Variants in DACH2 observed in about 807,000 individuals in gnomAD.
The protein encoded by DACH2 is dachshund homolog 2.
Under a neutral mutation model 35.8 loss-of-function variants are expected in DACH2, and 17 were observed. The observed-to-expected ratio is 0.48, with a 90% CI of 0.33 to 0.71. The LOEUF is 0.71. Among genes scored for constraint, DACH2 ranks in the 30% least tolerant of loss-of-function variants. DACH2 has a pLI of 0.02. For synonymous variants in DACH2, 195 were observed against 177.3 expected (o/e 1.10, Z -0.79); for missense variants, 469 against 472.7 (o/e 0.99, Z 0.07).
At chrX:86,467,720 C>T (rs905772480) in intron 2 of DACH2, among the ~76,000 whole-genome samples, 2 of 111,486 alleles carry the variant, frequency 1.8e-5, no homozygotes, top group African/African-American at 3.3e-5. Flanking sequence ...TAAAGGAAAG[C>T]GGTTTAATTG....
intron 11 of DACH2, among the ~76,000 whole-genome samples, chrX:86,820,872 C>T (rs2042504887): frequency 9.1e-6 from 1 of 110,406 alleles, no homozygotes; most frequent in South Asian, 3.8e-4. Context: ...AACAACATTC[C>T]TCCCAAGAAG....
chrX:86,542,382 T>C (rs970633206), intron 3 of DACH2, among the ~76,000 whole-genome samples: 2 of 111,407 alleles, frequency 1.8e-5, no homozygotes, highest in Admixed American at 9.6e-5. Context: ...CTAGGTCTTA[T>C]GAAGCCAAAT....
At chrX:86,607,298 T>C (rs766557445) in intron 3 of DACH2, among the ~76,000 whole-genome samples, 31 of 111,639 alleles carry the variant, frequency 2.8e-4, no homozygotes, top group African/African-American at 9.7e-4. Flanking sequence ...TCACTGAAGG[T>C]AATTCTCTCT....
chrX:86,618,670 T>C lies in DACH2; in HGVS notation c.641-32366T>C, dbSNP rs192706427. ...ATTGTTTTAAATAACCAAATAGATA[T>C]ATGTGATAATTTGCAAATTTAAAAG... On this transcript the variant is annotated intron_variant, in intron 3 of 11. Coordinates refer to ENST00000373125, the MANE Select transcript of DACH2 (RefSeq NM_053281.3). Among the ~76,000 whole-genome samples the C allele has an allele frequency of 1.1e-3, 128 of 112,196 alleles. 2 individuals carry two copies. Among genetic ancestry groups the C allele is most frequent in the African/African-American group, 4.1e-3 (127 of 31,010 alleles).
At chrX:86,482,197 T>A (rs899262064) in intron 2 of DACH2, among the ~76,000 whole-genome samples, 2 of 112,298 alleles carry the variant, frequency 1.8e-5, no homozygotes, top group Admixed American at 9.5e-5. Context: ...AAACAATATG[T>A]TAACTAGTTT....
chrX:86,717,643 A>G (rs2041352481), intron 6 of DACH2, among the ~76,000 whole-genome samples: 1 of 107,440 alleles, frequency 9.3e-6, no homozygotes, highest in Non-Finnish European at 1.9e-5. Context: ...ATGATTTTGA[A>G]ACTGGATGGC....
intron 1 of DACH2, among the ~76,000 whole-genome samples, chrX:86,325,459 A>G (rs1238796124): frequency 8.9e-6 from 1 of 112,120 alleles, no homozygotes; most frequent in Non-Finnish European, 1.9e-5. Flanking sequence ...CAGAAATGTG[A>G]TTCATATTGG....
At chrX:86,748,298 G>A (rs1412373585) in intron 7 of DACH2, among the ~76,000 whole-genome samples, 1 of 111,992 alleles carries the variant, frequency 8.9e-6, no homozygotes, top group East Asian at 2.8e-4. Context: ...TTTTCAGAAA[G>A]TTTTCAATTT....
At chrX:86,272,293 G>A (rs1389132882) in intron 1 of DACH2, among the ~76,000 whole-genome samples, 2 of 109,589 alleles carry the variant, frequency 1.8e-5, no homozygotes, top group Non-Finnish European at 3.8e-5. Flanking sequence ...TTGCTATTGT[G>A]AATAGTGCTG....
At position 86,575,733 on chromosome X, in the gene DACH2, A is replaced by G. The variant is rs2039428210; in HGVS notation, c.640+61342A>G. Among the ~76,000 whole-genome samples the G allele has an allele frequency of 2.7e-5, 3 of 112,028 alleles. No individual in the cohort carries two copies. In the South Asian group the frequency reaches 1.1e-3, roughly 41 times the overall value. Reference sequence around the variant, plus strand: ...TGAAGATCAATCATACTTTGATGTTACAGTGTGACATGGTCAGTTCAGCTA... The same window carrying G: ...TGAAGATCAATCATACTTTGATGTTGCAGTGTGACATGGTCAGTTCAGCTA... On this transcript the variant is annotated intron_variant, in intron 3 of 11. Transcript: ENST00000373125.
chrX:86,518,860 C>T (rs2038511120), intron 3 of DACH2, among the ~76,000 whole-genome samples: 1 of 111,991 alleles, frequency 8.9e-6, no homozygotes, highest in African/African-American at 3.2e-5. Flanking sequence ...TATCAACTTC[C>T]TTTCTTCCTA....
intron 1 of DACH2, among the ~76,000 whole-genome samples, chrX:86,326,482 T>C (rs2035115972): frequency 1.4e-5 from 1 of 72,831 alleles, no homozygotes. Flanking sequence ...GTTAAAAAAT[T>C]ATACATACAC....
At chrX:86,730,733 T>G (rs1460680392) in intron 6 of DACH2, among the ~76,000 whole-genome samples, 3 of 112,047 alleles carry the variant, frequency 2.7e-5, no homozygotes, top group Non-Finnish European at 3.8e-5. Flanking sequence ...ATATTTATTC[T>G]TTTGAAAACA....
At chrX:86,794,936 G>T (rs2042220242) in intron 7 of DACH2, among the ~76,000 whole-genome samples, 1 of 111,609 alleles carries the variant, frequency 9.0e-6, no homozygotes, top group African/African-American at 3.3e-5. Flanking sequence ...AGAATCATAG[G>T]CTGACTATGA....
At chrX:86,776,296 C>G (rs2042031136) in intron 7 of DACH2, among the ~76,000 whole-genome samples, 3 of 111,374 alleles carry the variant, frequency 2.7e-5, no homozygotes, top group Admixed American at 9.6e-5. Flanking sequence ...CAGGTTTGCT[C>G]ATTTGGTGGA....
At chrX:86,457,052 A>T (rs946541013) in intron 2 of DACH2, among the ~76,000 whole-genome samples, 1 of 111,351 alleles carries the variant, frequency 9.0e-6, no homozygotes, top group East Asian at 2.8e-4. Flanking sequence ...CTACAGTTTG[A>T]CTATGACATG....
intron 7 of DACH2, among the ~76,000 whole-genome samples, chrX:86,757,223 C>T (rs770157021): frequency 3.6e-5 from 4 of 111,363 alleles, no homozygotes; most frequent in African/African-American, 1.3e-4. Flanking sequence ...ACATTCTGCA[C>T]CCCTATGTTG....
intron 1 of DACH2, among the ~76,000 whole-genome samples, chrX:86,209,267 T>C (rs1395225970): frequency 3.6e-5 from 4 of 111,343 alleles, no homozygotes; most frequent in Non-Finnish European, 7.6e-5. Flanking sequence ...GGATGCCAGG[T>C]CTCCTATCAA....
At chrX:86,521,527 T>G (rs2038554671) in intron 3 of DACH2, among the ~76,000 whole-genome samples, 1 of 111,934 alleles carries the variant, frequency 8.9e-6, no homozygotes, top group East Asian at 2.8e-4. Context: ...CTCCTTGGAT[T>G]CAAGCTTTGT....
Sources: allele counts gnomAD v4.1 joint callset (sites outside exome capture counted in the v4.1 genomes callset), GRCh38; gene constraint gnomAD v4.1.1; transcripts MANE v1.5; gene names NCBI Gene and HGNC (gene_info 2026-07-23, HGNC 2026-07-21).